The following AKAP13 variants were observed in gnomAD, a reference collection of about 807,000 sequenced individuals.
The protein encoded by AKAP13 is A-kinase anchoring protein 13.
In AKAP13, 80 loss-of-function variants were observed where a neutral mutation model predicts 264.5. That is an observed-to-expected ratio of 0.30 (90% CI 0.25 to 0.36). The LOEUF (loss-of-function observed/expected upper bound fraction) is 0.36. Ranked by LOEUF, AKAP13 falls within the 10% of genes least tolerant of loss-of-function variation. The pLI, the probability that AKAP13 is intolerant of heterozygous loss-of-function variation, is 1.00. For synonymous variants in AKAP13, 1,380 were observed against 1,250.2 expected (o/e 1.10, Z -2.19); for missense variants, 3,712 against 3,435.2 (o/e 1.08, Z -2.01).
At chr15:85,546,589 G>T (rs1418120726) in intron 5 of AKAP13, among the ~76,000 whole-genome samples, 1 of 152,128 alleles carries the variant, frequency 6.6e-6, no homozygotes, top group Non-Finnish European at 1.5e-5. Context: ...CTTAAAAAGT[G>T]GCCCAAGAAT....
intron 8 of AKAP13, among the ~76,000 whole-genome samples, chr15:85,617,267 C>T (rs537679169): frequency 2.5e-4 from 38 of 152,164 alleles, no homozygotes; most frequent in African/African-American, 7.7e-4. Flanking sequence ...TTTTTTGAGG[C>T]GGAGTCTTGC....
chr15:85,455,705 C>G (rs2074259356), intron 1 of AKAP13, among the ~76,000 whole-genome samples: 1 of 151,928 alleles, frequency 6.6e-6, no homozygotes. Flanking sequence ...ATATGCTGAG[C>G]TTTTAGATTA....
At chr15:85,571,258 G>C (rs977450842) in intron 5 of AKAP13, among the ~76,000 whole-genome samples, 1 of 121,464 alleles carries the variant, frequency 8.2e-6, no homozygotes, top group Admixed American at 8.7e-5. Context: ...TTACAGACTA[G>C]ACTTATGTAC....
At chr15:85,722,415 A>C in intron 25 of AKAP13, 68 bp downstream of exon 25, 7 of 1,287,232 alleles carry the variant, frequency 5.4e-6, no homozygotes, top group Non-Finnish European at 1.1e-6. Context: ...GTAGTACTGG[A>C]AGCCCCATGG....
intron 19 of AKAP13, among the ~76,000 whole-genome samples, chr15:85,715,300 G>A (rs2086865879): frequency 6.6e-6 from 1 of 152,132 alleles, no homozygotes; most frequent in Non-Finnish European, 1.5e-5. Flanking sequence ...GCTGTGTGGT[G>A]TAGTATAACT....
At chr15:85,568,356 C>A (rs1368209027) in intron 5 of AKAP13, among the ~76,000 whole-genome samples, 1 of 151,780 alleles carries the variant, frequency 6.6e-6, no homozygotes, top group Admixed American at 6.6e-5. Context: ...GGGGAAAGAT[C>A]CTATGTCCAT....
chr15:85,620,273 G>A, intron 8 of AKAP13: 1 of 1,141,136 alleles, frequency 8.8e-7, no homozygotes, highest in Non-Finnish European at 1.3e-6. Context: ...TGGGAGAAAG[G>A]CCGAGAAATC....
intron 34 of AKAP13, among the ~76,000 whole-genome samples, chr15:85,740,733 C>T (rs1314446216): frequency 7.6e-6 from 1 of 131,166 alleles, no homozygotes; most frequent in Non-Finnish European, 1.7e-5. Context: ...AACACACACA[C>T]ACACAACCCA....
chr15:85,710,599 G>A lies in AKAP13; in HGVS notation c.5553G>A (p.Gln1851=), dbSNP rs960866201. 4.3e-6 allele frequency: 7 copies of A among 1,613,858 alleles called. No individual in the cohort carries two copies. Among genetic ancestry groups the A allele is most frequent in the Non-Finnish European group, 5.1e-6 (6 of 1,179,952 alleles). The stretch of plus-strand genomic sequence containing the variant: ...TTTAGCAGCCCAAAGGGAGCCTTCA[G>A]GCACATGACACATCATCACTGCCCA... ...VKMKQPKGSL[Q]AHDTSSLPTV... Residue 1851 remains glutamine (Q), a synonymous_variant, in exon 19 of 37, where the codon CAG becomes CAA. Transcript: ENST00000394518.
chr15:85,387,073 C>T (rs1403321547), intron 1 of AKAP13, among the ~76,000 whole-genome samples: 4 of 151,856 alleles, frequency 2.6e-5, no homozygotes, highest in South Asian at 4.2e-4. Context: ...TGGTGGCTCA[C>T]GCCTGTAATC....
In AKAP13 at chr15:85,468,944, T is replaced by C. The variant is rs1232814467; in HGVS notation, c.-11-16766T>C. 2.2e-3 allele frequency among the ~76,000 whole-genome samples: 221 copies of C among 98,848 alleles called. 13 individuals carry two copies. Among genetic ancestry groups the C allele is most frequent in the Non-Finnish European group, 3.2e-3 (163 of 51,562 alleles). 64.8% of individuals were successfully genotyped at this position (98,848 alleles called of 152,430 possible). A position where few individuals can be genotyped will look rare whatever the true frequency, so the allele number is the denominator to read the frequency against. ...TTTTTTTTTTTTTTAATCAGACTTT[T>C]GCTCTTGTCACCCAGGCTGGAGTGC... On this transcript the variant is annotated intron_variant, in intron 1 of 36. Coordinates refer to ENST00000394518, the MANE Select transcript of AKAP13 (RefSeq NM_007200.5).
intron 31 of AKAP13, 72 bp downstream of exon 31, chr15:85,735,222 C>T (rs2088356297): frequency 1.2e-5 from 18 of 1,543,132 alleles, no homozygotes; most frequent in Non-Finnish European, 1.6e-5. Context: ...ATGACTTGTA[C>T]TTTAGTAGCT....
chr15:85,430,663 TCAGA>T (rs1423900556), intron 1 of AKAP13, among the ~76,000 whole-genome samples: 1 of 152,214 alleles, frequency 6.6e-6, no homozygotes, highest in Non-Finnish European at 1.5e-5. Flanking sequence ...TTCTAACATG[TCAGA>T]CAGTTACTCT....
At chr15:85,417,428 A>G (rs1300430966) in intron 1 of AKAP13, among the ~76,000 whole-genome samples, 1 of 152,222 alleles carries the variant, frequency 6.6e-6, no homozygotes, top group Non-Finnish European at 1.5e-5. Context: ...TTTAAGTTAG[A>G]AAATATTCGT....
chr15:85,744,272 C>T (rs926199270), intron 36 of AKAP13: 15 of 305,540 alleles, frequency 4.9e-5, no homozygotes, highest in South Asian at 1.4e-4. Flanking sequence ...ACAGAGCCTG[C>T]GGCTGAATTC....
Position 85,710,661 on chromosome 15 carries a change from C to T in AKAP13, c.5599+16C>T, listed in dbSNP as rs767834725. The T allele has an allele frequency of 9.3e-6, 15 of 1,612,176 alleles. No individual in the cohort carries two copies. Among genetic ancestry groups the T allele is most frequent in the Non-Finnish European group, 1.3e-5 (15 of 1,179,220 alleles). ...AGAAACAAGCGTAAGTAGCTCAGCCCACCTCTCAATTCCCTTTCTGACTTT... is the reference window on the plus strand; with the variant it reads ...AGAAACAAGCGTAAGTAGCTCAGCCTACCTCTCAATTCCCTTTCTGACTTT... On this transcript the variant is annotated intron_variant, in intron 19 of 36. Transcript: ENST00000394518.
At chr15:85,677,960 G>A (rs552095800) in intron 14 of AKAP13, among the ~76,000 whole-genome samples, 1 of 152,074 alleles carries the variant, frequency 6.6e-6, no homozygotes, top group African/African-American at 2.4e-5. Context: ...AGTTATATAC[G>A]TATTTATCTC....
intron 5 of AKAP13, among the ~76,000 whole-genome samples, chr15:85,556,874 C>A (rs1002761378): frequency 6.6e-6 from 1 of 152,212 alleles, no homozygotes; most frequent in African/African-American, 2.4e-5. Flanking sequence ...ACATTTTCTA[C>A]CATAAGCACC....
Position 85,735,547 on chromosome 15 carries a change from A to ATTTTTTT in AKAP13, c.7442-7_7442-6insTTTTTTT. Reference sequence around the variant, plus strand: ...CAACTTTAAAAAAAAAAACAACCCTATTTTTTGTTTAGGAGGCGAGAAGGA... The same window carrying ATTTTTTT: ...CAACTTTAAAAAAAAAAACAACCCTATTTTTTTTTTTTTGTTTAGGAGGCGAGAAGGA... On this transcript the variant is annotated splice_polypyrimidine_tract_variant and intron_variant, in intron 31 of 36. Coordinates refer to ENST00000394518, the MANE Select transcript of AKAP13 (RefSeq NM_007200.5). 1 of 1,601,658 alleles carries ATTTTTTT rather than the reference A, an allele frequency of 6.2e-7. No homozygotes were observed.
Sources: allele counts gnomAD v4.1 joint callset (sites outside exome capture counted in the v4.1 genomes callset), GRCh38; gene constraint gnomAD v4.1.1; transcripts MANE v1.5; gene names NCBI Gene and HGNC (gene_info 2026-07-23, HGNC 2026-07-21).